The following RP1L1 variants were observed in gnomAD, a reference collection of about 807,000 sequenced individuals.
The protein encoded by RP1L1 is RP1 like 1.
Under a neutral mutation model 15.7 loss-of-function variants are expected in RP1L1, and 27 were observed. That is an observed-to-expected ratio of 1.72 (90% CI 1.27 to 2.38). The LOEUF is 2.38. Among genes scored for constraint, RP1L1 ranks in the 30% most tolerant of loss-of-function variants. The pLI is 0.00. For missense variants in RP1L1, 4,798 were observed against 3,075.9 expected, an observed-to-expected ratio of 1.56 and a Z score of -13.24; for synonymous variants, 1,813 against 1,276.7, an observed-to-expected ratio of 1.42 and a Z score of -8.96.
chr8:10,640,464 A>G (rs1241894317), intron 1 of RP1L1, among the ~76,000 whole-genome samples: 2 of 152,092 alleles, frequency 1.3e-5, no homozygotes, highest in Non-Finnish European at 2.9e-5. Context: ...GTTTAAGACA[A>G]GCCTGGCCAA....
intron 1 of RP1L1, among the ~76,000 whole-genome samples, chr8:10,638,545 T>C (rs1022495102): frequency 2.0e-5 from 3 of 152,024 alleles, no homozygotes; most frequent in African/African-American, 7.2e-5. Context: ...GCAGTTCAAA[T>C]GTAGCCTGGG....
intron 2 of RP1L1, among the ~76,000 whole-genome samples, chr8:10,617,798 C>T (rs1037919868): frequency 2.6e-5 from 4 of 152,002 alleles, no homozygotes; most frequent in African/African-American, 7.2e-5. Context: ...CCTCGTGATC[C>T]GCCGGCCTCG....
intron 2 of RP1L1, among the ~76,000 whole-genome samples, chr8:10,617,702 G>T (rs954828291): frequency 2.0e-5 from 3 of 151,700 alleles, no homozygotes; most frequent in Non-Finnish European, 4.4e-5. Flanking sequence ...GACTACAGGT[G>T]CCCGCCACCA....
chr8:10,609,933 C>A lies in RP1L1; in HGVS notation c.4165G>T (p.Ala1389Ser). The A allele has an allele frequency of 6.3e-7, 1 of 1,591,260 alleles. No homozygotes were observed. The highest frequency in any genetic ancestry group is 8.6e-7 in the Non-Finnish European group (1 of 1,163,878). Residue 1389 changes from alanine to serine, a missense_variant, in exon 4 of 4, where the codon GCT becomes TCT. Ala to Ser is a moderately conservative substitution (Grantham distance 99). Transcript: ENST00000382483. ...EGPEGGLQGE[A>S]LEEGLKEEGL... Reference sequence around the variant, plus strand: ...TCCTCTTTGAGACCCTCTTCAAGAGCCTCTCCTTGCAGTCCTCCTTCTGGC... The same window carrying A: ...TCCTCTTTGAGACCCTCTTCAAGAGACTCTCCTTGCAGTCCTCCTTCTGGC...
rs750886173 is a variant in RP1L1, at chr8:10,611,801, G to T, written c.2297C>A (p.Ala766Glu). The T allele has an allele frequency of 6.2e-7, 1 of 1,613,652 alleles. No individual in the cohort carries two copies. The highest frequency in any genetic ancestry group is 8.5e-7 in the Non-Finnish European group (1 of 1,180,010). The change falls in exon 4 of 4, where the codon GCG becomes GAG. Residue 766 changes from alanine to glutamate, a missense_variant. Physicochemically the swap from Ala to Glu is moderately radical, Grantham distance 107. Transcript: ENST00000382483. Reference protein sequence around the residue: ...NAPSAGWAGDAGSRTCSPAPI... With the variant: ...NAPSAGWAGDEGSRTCSPAPI... ...GGCCGGCGAGCATGTCCTGGACCCC[G>T]CGTCCCCTGCCCACCCGGCAGAGGG... is the stretch of plus-strand genomic sequence containing the variant.
At position 10,612,156 on chromosome 8, in the gene RP1L1, T is replaced by G. The variant is rs766967081; in HGVS notation, c.1942A>C (p.Met648Leu). ...QRRHRSRASAMSSPSSPGLGR... is the reference protein window; with the variant it reads ...QRRHRSRASALSSPSSPGLGR... ...AGGCCAGGGCTGCTGGGTGAGGACA[T>G]TGCACTGGCCCGGCTTCTGTGCCTT... The change falls in exon 4 of 4, where the codon ATG (methionine) becomes CTG (leucine). Residue 648 changes from methionine (M) to leucine (L), a missense_variant. Transcript: ENST00000382483. The G allele has an allele frequency of 3.1e-6, 5 of 1,613,456 alleles. No homozygotes were observed. The South Asian group carries it at 5.5e-5, about 18-fold the overall frequency.
Position 10,638,312 on chromosome 8 carries a change from G to A in RP1L1, c.-19-15092C>T, listed in dbSNP as rs898927729. On this transcript the variant is annotated intron_variant, in intron 1 of 3. Transcript: ENST00000382483. ...GTAAAAGAGTTTGGGTAGCCTTGAT[G>A]ATAAAAGTACAAACGGAAGCATGAA... is the stretch of plus-strand genomic sequence containing the variant. Among the ~76,000 whole-genome samples the A allele has an allele frequency of 4.2e-4, 64 of 152,194 alleles. 1 individual carries two copies. Among genetic ancestry groups the A allele is most frequent in the Admixed American group, 3.6e-3 (55 of 15,276 alleles).
At position 10,611,286 on chromosome 8, in the gene RP1L1, C is replaced by A. The variant is rs374517324; in HGVS notation, c.2812G>T (p.Glu938Ter). 6.2e-7 allele frequency: 1 copy of A among 1,612,926 alleles called. No individual in the cohort carries two copies. Among genetic ancestry groups the A allele is most frequent in the African/African-American group, 1.3e-5 (1 of 74,930 alleles). Residue 938 changes from glutamate to a stop codon, truncating the protein, a stop_gained, in exon 4 of 4, where the codon GAG (glutamate) becomes TAG (stop). Coordinates refer to ENST00000382483, the MANE Select transcript of RP1L1 (RefSeq NM_178857.6). LOFTEE classifies it low-confidence loss of function (END_TRUNC). ...LRSGGGPQGQ[E>*]EASGVSPSSL... Reference sequence around the variant, plus strand: ...CTGGGTGACACACCACTGGCCTCCTCCTGCCCCTGGGGGCCTCCCCCACTC... The same window carrying A: ...CTGGGTGACACACCACTGGCCTCCTACTGCCCCTGGGGGCCTCCCCCACTC...
At position 10,609,067 on chromosome 8, in the gene RP1L1, C is replaced by T; in HGVS notation, c.5031G>A (p.Gly1677=). The change falls in exon 4 of 4, where the codon GGG becomes GGA. Residue 1677 remains glycine, a synonymous_variant. Coordinates refer to ENST00000382483, the MANE Select transcript of RP1L1 (RefSeq NM_178857.6). ...VSPMSPKATM[G]ATRGPIKEAF... is the part of the protein sequence containing the mutation. ...CCTCTTTGATGGGACCTCTGGTTGC[C>T]CCCATTGTGGCCTTGGGGGACATAG... 1 of 1,613,794 alleles carries T rather than the reference C, an allele frequency of 6.2e-7. No individual in the cohort carries two copies. Among genetic ancestry groups the T allele is most frequent in the South Asian group, 1.1e-5 (1 of 91,058 alleles).
intron 1 of RP1L1, among the ~76,000 whole-genome samples, chr8:10,629,596 A>G (rs910842426): frequency 6.6e-5 from 10 of 152,168 alleles, no homozygotes; most frequent in Admixed American, 4.6e-4. Flanking sequence ...ACCAAATGCA[A>G]TCAACAATTG....
At chr8:10,635,989 G>C (rs866555706) in intron 1 of RP1L1, among the ~76,000 whole-genome samples, 1 of 152,218 alleles carries the variant, frequency 6.6e-6, no homozygotes, top group African/African-American at 2.4e-5. Flanking sequence ...AGCTGGGGTG[G>C]GGACGCGAGT....
At chr8:10,631,353 A>G (rs1563135342) in intron 1 of RP1L1, among the ~76,000 whole-genome samples, 4 of 10,896 alleles carry the variant, frequency 3.7e-4, no homozygotes, top group African/African-American at 5.6e-4. Context: ...ACGCACACAC[A>G]TGCACACAAA....
chr8:10,616,840 T>A (rs1056401073), intron 2 of RP1L1, among the ~76,000 whole-genome samples: 3 of 152,170 alleles, frequency 2.0e-5, no homozygotes, highest in Non-Finnish European at 4.4e-5. Context: ...AGGCCCGTGA[T>A]CAAAGGGCAT....
At chr8:10,640,489 C>A (rs537395062) in intron 1 of RP1L1, among the ~76,000 whole-genome samples, 45 of 151,818 alleles carry the variant, frequency 3.0e-4, no homozygotes, top group Non-Finnish European at 1.0e-4. Context: ...GTGGTCTCTA[C>A]TAAAAATACA....
chr8:10,606,801 T>A lies in RP1L1; in HGVS notation c.*94A>T. On this transcript the variant is annotated 3_prime_UTR_variant, in exon 4 of 4. Coordinates refer to ENST00000382483, the MANE Select transcript of RP1L1 (RefSeq NM_178857.6). ...GGTCTTTGTCCATGTACTATGGACA[T>A]CTCCAGTGGACTGAACGTTGCTCAG... 6.3e-7 allele frequency: 1 copy of A among 1,591,270 alleles called. No homozygotes were observed. Among genetic ancestry groups the A allele is most frequent in the Non-Finnish European group, 8.5e-7 (1 of 1,174,626 alleles).
Position 10,608,610 on chromosome 8 carries a change from C to G in RP1L1, c.5488G>C (p.Asp1830His). Residue 1830 changes from aspartate (D) to histidine (H), a missense_variant, in exon 4 of 4, where the codon GAT (aspartate) becomes CAT (histidine). Transcript: ENST00000382483. ...GGGGCCTCTATGCCTTCGGCCCCATCACTCTGTCCTGGATCTTGGTCACCT... is the reference window on the plus strand; with the variant it reads ...GGGGCCTCTATGCCTTCGGCCCCATGACTCTGTCCTGGATCTTGGTCACCT... ...AGGDQDPGQSDGAEGIEAPEA... is the reference protein window; with the variant it reads ...AGGDQDPGQSHGAEGIEAPEA... The G allele has an allele frequency of 6.2e-7, 1 of 1,614,184 alleles. No homozygotes were observed. Among genetic ancestry groups the G allele is most frequent in the Non-Finnish European group, 8.5e-7 (1 of 1,180,038 alleles).
chr8:10,625,202 C>T (rs1293185905), intron 1 of RP1L1, among the ~76,000 whole-genome samples: 2 of 152,156 alleles, frequency 1.3e-5, no homozygotes, highest in South Asian at 2.1e-4. Flanking sequence ...GACCTCTTAA[C>T]AAAACATGCT....
chr8:10,612,730 G>GGCTGGGCTGGC lies in RP1L1; in HGVS notation c.1357_1367dup (p.Ser457ProfsTer37). The GGCTGGGCTGGC allele has an allele frequency of 6.2e-7, 1 of 1,606,446 alleles. No homozygotes were observed. The stretch of plus-strand genomic sequence containing the variant: ...AGCCCTCGGGGAGGCCGGTGCTGGA[G>GGCTGGGCTGGC]GCTGGGCTGGCACTGTCCTGGCTGC... On this transcript the variant is annotated frameshift_variant, in exon 4 of 4. Coordinates refer to ENST00000382483, the MANE Select transcript of RP1L1 (RefSeq NM_178857.6). LOFTEE classifies it low-confidence loss of function (END_TRUNC).
At chr8:10,648,109 G>A (rs957960492) in intron 1 of RP1L1, among the ~76,000 whole-genome samples, 1 of 151,790 alleles carries the variant, frequency 6.6e-6, no homozygotes, top group African/African-American at 2.4e-5. Context: ...TCGGCTCACT[G>A]CAACCTCCAC....
Sources: allele counts gnomAD v4.1 joint callset (sites outside exome capture counted in the v4.1 genomes callset), GRCh38; gene constraint gnomAD v4.1.1; transcripts MANE v1.5; gene names NCBI Gene and HGNC (gene_info 2026-07-23, HGNC 2026-07-21).